The following KIF13A variants were observed in gnomAD, a reference collection of about 807,000 sequenced individuals.
KIF13A encodes the protein kinesin family member 13A, also known as kinesin-like protein KIF13A.
A neutral mutation model predicts 212.2 loss-of-function variants in KIF13A; 79 were observed. The ratio of observed to expected loss-of-function variants is 0.37; its 90% confidence interval spans 0.31 to 0.45. The LOEUF is 0.45. Among genes scored for constraint, KIF13A ranks in the 20% least tolerant of loss-of-function variants. The probability of loss-of-function intolerance (pLI) is 1.00; values close to 1 mark genes in which losing one functional copy is unlikely to be tolerated. For missense variants in KIF13A, 1,901 were observed against 2,209.0 expected (o/e 0.86, Z 2.79); for synonymous variants, 789 against 808.6 (o/e 0.98, Z 0.41).
Position 17,912,178 on chromosome 6 carries a change from C to G in KIF13A, c.147-13998G>C, listed in dbSNP as rs968906473. Among the ~76,000 whole-genome samples, 1 of 152,130 alleles carries G rather than the reference C, an allele frequency of 6.6e-6. No individual in the cohort carries two copies. The highest frequency in any genetic ancestry group is 2.1e-4 in the South Asian group (1 of 4,826). ...CCCATTCTCCATGATGTGATTATTA[C>G]GCATTGCATGCCTACATCAAAACAT... On this transcript the variant is annotated intron_variant, in intron 2 of 38. Coordinates refer to ENST00000259711, the MANE Select transcript of KIF13A (RefSeq NM_022113.6). This position sits in a 1 kb window ranked among gnomAD's most constrained non-coding sequence, Gnocchi z 4.2.
rs1772643397 is a variant in KIF13A, at chr6:17,897,138, G to A, written c.159+1030C>T. Among the ~76,000 whole-genome samples, 1 of 152,106 alleles carries A rather than the reference G, an allele frequency of 6.6e-6. No individual in the cohort carries two copies. Among genetic ancestry groups the A allele is most frequent in the Non-Finnish European group, 1.5e-5 (1 of 68,022 alleles). ...CTAAAGCTGAAACTCTTATTGCCAA[G>A]GACAATGTCTTCAATAAGTACAAGG... On this transcript the variant is annotated intron_variant, in intron 3 of 38. Transcript: ENST00000259711. This position sits in a 1 kb window ranked among gnomAD's most constrained non-coding sequence, Gnocchi z 4.8.
At chr6:17,841,206 G>A (rs1049932616) in intron 9 of KIF13A, among the ~76,000 whole-genome samples, 5 of 151,426 alleles carry the variant, frequency 3.3e-5, no homozygotes, top group African/African-American at 1.2e-4. Context: ...CTGAGTAGCT[G>A]GAACTACAGG....
intron 25 of KIF13A, among the ~76,000 whole-genome samples, chr6:17,793,143 G>T (rs1761737500): frequency 6.6e-6 from 1 of 152,060 alleles, no homozygotes; most frequent in Non-Finnish European, 1.5e-5. Flanking sequence ...GCAGTGGTAT[G>T]ATCTTGGCTC....
At chr6:17,797,424 A>C (rs1271323992) in intron 22 of KIF13A, among the ~76,000 whole-genome samples, 2 of 152,218 alleles carry the variant, frequency 1.3e-5, no homozygotes, top group African/African-American at 4.8e-5. Flanking sequence ...ACATCGTCTT[A>C]CACTTGGTTC....
chr6:17,911,666 C>T (rs368090259), intron 2 of KIF13A, among the ~76,000 whole-genome samples: 2 of 136,918 alleles, frequency 1.5e-5, no homozygotes, highest in African/African-American at 5.5e-5. Flanking sequence ...GGTTATGGGC[C>T]GGGGGTTGTG....
At chr6:17,890,883 C>T (rs1176342485) in intron 3 of KIF13A, among the ~76,000 whole-genome samples, 3 of 151,800 alleles carry the variant, frequency 2.0e-5, no homozygotes, top group Non-Finnish European at 4.4e-5. Context: ...TGGTCTCAAA[C>T]TCCTGGCCTC....
rs1004461565 is a variant in KIF13A, at chr6:17,799,745, A to G, written c.2616+207T>C. Among the ~76,000 whole-genome samples, 8 of 152,228 alleles carry G rather than the reference A, an allele frequency of 5.3e-5. No individual in the cohort carries two copies. Among genetic ancestry groups the G allele is most frequent in the African/African-American group, 1.9e-4 (8 of 41,470 alleles). Reference sequence around the variant, plus strand: ...AAGCAACATACACTTCTTGCATGTCAAATACATAAACACTTTTGAAATTTG... The same window carrying G: ...AAGCAACATACACTTCTTGCATGTCGAATACATAAACACTTTTGAAATTTG... On this transcript the variant is annotated intron_variant, in intron 21 of 38. Transcript: ENST00000259711. The surrounding 1 kb of genome is among the most constrained non-coding windows in gnomAD (Gnocchi z 4.4).
In KIF13A at chr6:17,769,682, G is replaced by A. The variant is rs1759319467; in HGVS notation, c.4581+1432C>T. On this transcript the variant is annotated intron_variant, in intron 38 of 38. Coordinates refer to ENST00000259711, the MANE Select transcript of KIF13A (RefSeq NM_022113.6). This position sits in a 1 kb window ranked among gnomAD's most constrained non-coding sequence, Gnocchi z 5.8. ...TGCAATAGGTTTAAATTGAGTGGCT[G>A]TGCACCACAGTGATAAGTGTCATGC... Among the ~76,000 whole-genome samples, 1 of 112,454 alleles carries A rather than the reference G, an allele frequency of 8.9e-6. No individual in the cohort carries two copies. Among genetic ancestry groups the A allele is most frequent in the Non-Finnish European group, 1.8e-5 (1 of 56,428 alleles). 73.8% of individuals were successfully genotyped at this position (112,454 alleles called of 152,430 possible).
chr6:17,985,076 A>G (rs139169361), intron 2 of KIF13A, among the ~76,000 whole-genome samples: 1 of 152,260 alleles, frequency 6.6e-6, no homozygotes, highest in Non-Finnish European at 1.5e-5. Context: ...ATGTACAAGG[A>G]GCACTGTTTT....
intron 20 of KIF13A, among the ~76,000 whole-genome samples, chr6:17,804,010 G>T (rs183043514): frequency 6.6e-6 from 1 of 152,120 alleles, no homozygotes; most frequent in Non-Finnish European, 1.5e-5. Flanking sequence ...AAATTAGCCC[G>T]ATATGGTGGT....
intron 25 of KIF13A, among the ~76,000 whole-genome samples, chr6:17,790,231 C>G (rs938309094): frequency 6.6e-6 from 1 of 152,020 alleles, no homozygotes; most frequent in Non-Finnish European, 1.5e-5. Context: ...AGCAAGACCC[C>G]ATCTGTACAA....
At chr6:17,959,705 T>C (rs1778651278) in intron 2 of KIF13A, among the ~76,000 whole-genome samples, 1 of 152,246 alleles carries the variant, frequency 6.6e-6, no homozygotes, top group African/African-American at 2.4e-5. Flanking sequence ...GGACATCTAA[T>C]GGTAGCTTTC....
rs1379074547 is a variant in KIF13A, at chr6:17,984,226, CCTCT to C, written c.146+2824_146+2827del. 6.6e-6 allele frequency among the ~76,000 whole-genome samples: 1 copy of C among 152,142 alleles called. No individual in the cohort carries two copies. The highest frequency in any genetic ancestry group is 2.4e-5 in the African/African-American group (1 of 41,432). On this transcript the variant is annotated intron_variant, in intron 2 of 38. Coordinates refer to ENST00000259711, the MANE Select transcript of KIF13A (RefSeq NM_022113.6). This position sits in a 1 kb window ranked among gnomAD's most constrained non-coding sequence, Gnocchi z 5.0. ...CCACGTTGTATTTTAACTACTTTTT[CCTCT>C]CTCTCCTCCTTCTCTCCAAGGTGAG...
intron 2 of KIF13A, among the ~76,000 whole-genome samples, chr6:17,983,497 T>C (rs867969038): frequency 5.4e-5 from 7 of 130,578 alleles, no homozygotes; most frequent in East Asian, 2.3e-4. Context: ...GCTGCTGCTT[T>C]TTTTTTTTTT....
At chr6:17,921,157 T>C (rs1775037079) in intron 2 of KIF13A, among the ~76,000 whole-genome samples, 1 of 152,162 alleles carries the variant, frequency 6.6e-6, no homozygotes, top group Non-Finnish European at 1.5e-5. Context: ...GGTCCCATAA[T>C]CAAACATGTT....
chr6:17,976,705 AGAGC>A (rs1780542358), intron 2 of KIF13A, among the ~76,000 whole-genome samples: 1 of 151,910 alleles, frequency 6.6e-6, no homozygotes, highest in Non-Finnish European at 1.5e-5. Flanking sequence ...GGAGGCGCCG[AGAGC>A]GAGCGAGGGC....
rs563375071 is a variant in KIF13A at position 17,773,112 on chromosome 6, G to A, written c.4324+366C>T. ...AAACTGCTTTATGAATCAAAGTCAT[G>A]TTCTTTTAAAAATTCCTTTGAGTAC... On this transcript the variant is annotated intron_variant, in intron 36 of 38. Coordinates refer to ENST00000259711, the MANE Select transcript of KIF13A (RefSeq NM_022113.6). The surrounding 1 kb of genome is among the most constrained non-coding windows in gnomAD (Gnocchi z 4.2). Among the ~76,000 whole-genome samples, 5 of 152,268 alleles carry A rather than the reference G, an allele frequency of 3.3e-5. No homozygotes were observed. The East Asian group carries it at 9.6e-4, about 29-fold the overall frequency.
chr6:17,780,020 A>G (rs1302908993), intron 31 of KIF13A, among the ~76,000 whole-genome samples: 1 of 152,100 alleles, frequency 6.6e-6, no homozygotes, highest in South Asian at 2.1e-4. Context: ...TGCTGGGACT[A>G]CAGGCGTGAG....
At chr6:17,797,950 T>G (rs1019818201) in intron 22 of KIF13A, among the ~76,000 whole-genome samples, 1 of 152,070 alleles carries the variant, frequency 6.6e-6, no homozygotes, top group African/African-American at 2.4e-5. Flanking sequence ...AATACTGAAC[T>G]GACTGAGATG....
Sources: gnomAD v4.1 joint callset for allele counts (sites outside exome capture counted in the v4.1 genomes callset) on GRCh38, gnomAD v4.1.1 for gene constraint, Gnocchi (gnomAD v3.1) non-coding constraint, MANE v1.5 for transcripts, NCBI Gene and HGNC (gene_info 2026-07-23, HGNC 2026-07-21) for gene names.